SMURF2: variants seen among roughly 807,000 people sequenced by gnomAD.
SMURF2 encodes the protein SMAD specific E3 ubiquitin protein ligase 2.
Under a neutral mutation model 109.6 loss-of-function variants are expected in SMURF2, and 48 were observed. The ratio of observed to expected loss-of-function variants is 0.44; its 90% CI spans 0.35 to 0.56. The LOEUF is 0.56. Among genes scored for constraint, SMURF2 ranks in the 20% least tolerant of loss-of-function variants. The probability of loss-of-function intolerance (pLI) is 0.01; values close to 1 mark genes in which losing one functional copy is unlikely to be tolerated. For synonymous variants in SMURF2, 288 were observed against 317.1 expected (o/e 0.91, Z 0.97); for missense variants, 575 against 909.0 (o/e 0.63, Z 4.72).
intron 15 of SMURF2, among the ~76,000 whole-genome samples, chr17:64,552,766 C>T (rs1969063694): frequency 1.3e-5 from 2 of 151,494 alleles, no homozygotes; most frequent in African/African-American, 2.4e-5. Context: ...TACAGTGGTG[C>T]GATCTCAGCT....
chr17:64,605,102 G>C (rs1969951106), intron 2 of SMURF2, among the ~76,000 whole-genome samples: 1 of 152,044 alleles, frequency 6.6e-6, no homozygotes, highest in African/African-American at 2.4e-5. Flanking sequence ...TAGCAACAGG[G>C]ATGAGGTAGG....
rs143916947 is a variant in SMURF2 at position 64,634,048 on chromosome 17, G to A, written c.53-27408C>T. ...GCGCGCCTGTAATCCCAGCTACTTG[G>A]GAGGCTGAGGCACAAAAATAGCTTG... On this transcript the variant is annotated intron_variant, in intron 1 of 18. Coordinates refer to ENST00000262435, the MANE Select transcript of SMURF2 (RefSeq NM_022739.4). 6.2e-3 allele frequency among the ~76,000 whole-genome samples: 943 copies of A among 152,268 alleles called. 7 individuals carry two copies. The highest frequency in any genetic ancestry group is 0.01 in the Middle Eastern group (3 of 294).
intron 1 of SMURF2, among the ~76,000 whole-genome samples, chr17:64,660,279 T>C (rs535807382): frequency 6.6e-6 from 1 of 152,278 alleles, no homozygotes; most frequent in East Asian, 1.9e-4. Context: ...GGATCACATG[T>C]TCTTTCCACG....
intron 1 of SMURF2, among the ~76,000 whole-genome samples, chr17:64,660,422 C>G (rs1970760205): frequency 6.6e-6 from 1 of 152,176 alleles, no homozygotes; most frequent in Admixed American, 6.5e-5. Flanking sequence ...CAAGTATCCT[C>G]CAATCCAGGT....
intron 1 of SMURF2, among the ~76,000 whole-genome samples, chr17:64,629,852 A>G (rs1331889977): frequency 6.6e-6 from 1 of 152,050 alleles, no homozygotes; most frequent in Admixed American, 6.6e-5. Context: ...GTCTAACAAT[A>G]CCTCCTATGA....
At chr17:64,639,838 A>T (rs1463638339) in intron 1 of SMURF2, among the ~76,000 whole-genome samples, 1 of 152,200 alleles carries the variant, frequency 6.6e-6, no homozygotes, top group Non-Finnish European at 1.5e-5. Flanking sequence ...GGTAAATGAA[A>T]CACACACACA....
chr17:64,577,757 T>C (rs1300809890), intron 9 of SMURF2, among the ~76,000 whole-genome samples: 2 of 151,534 alleles, frequency 1.3e-5, no homozygotes, highest in Admixed American at 6.6e-5. Flanking sequence ...CTCTACCACA[T>C]ACAGCTGATT....
chr17:64,582,699 A>G (rs929391648), intron 7 of SMURF2, among the ~76,000 whole-genome samples: 13 of 152,098 alleles, frequency 8.5e-5, no homozygotes, highest in Non-Finnish European at 1.6e-4. Flanking sequence ...CCTGGGTTCA[A>G]GCCATTCTCC....
intron 1 of SMURF2, among the ~76,000 whole-genome samples, chr17:64,622,933 G>C (rs1970224100): frequency 2.6e-5 from 4 of 152,272 alleles, no homozygotes; most frequent in African/African-American, 7.2e-5. Context: ...ATTTATATCA[G>C]TATGGACTCA....
chr17:64,603,372 A>G (rs1969923590), intron 2 of SMURF2, among the ~76,000 whole-genome samples: 1 of 152,132 alleles, frequency 6.6e-6, no homozygotes, highest in Non-Finnish European at 1.5e-5. Flanking sequence ...ACATGAGGTC[A>G]GGAGTTCGAG....
At chr17:64,604,871 G>C (rs1969947794) in intron 2 of SMURF2, among the ~76,000 whole-genome samples, 1 of 150,640 alleles carries the variant, frequency 6.6e-6, no homozygotes, top group Non-Finnish European at 1.5e-5. Context: ...TTGAACCCGA[G>C]AGGTGGAGTT....
rs374025782 is a variant in SMURF2 at position 64,571,908 on chromosome 17, T to C, written c.906A>G (p.Gly302=). ...NCEELGPLPP[G]WEIRNTATGR... Reference sequence around the variant, plus strand: ...CTGTTGCCGTATTACGGATCTCCCATCCAGGAGGCAATGGACCAAGCTCTT... The same window carrying C: ...CTGTTGCCGTATTACGGATCTCCCACCCAGGAGGCAATGGACCAAGCTCTT... Residue 302 remains glycine (G), a synonymous_variant, in exon 10 of 19, where the codon GGA becomes GGG. Coordinates refer to ENST00000262435, the MANE Select transcript of SMURF2 (RefSeq NM_022739.4). 1.2e-5 allele frequency: 20 copies of C among 1,613,760 alleles called. No individual in the cohort carries two copies. The highest frequency in any genetic ancestry group is 3.3e-5 in the Admixed American group (2 of 59,970).
intron 6 of SMURF2, among the ~76,000 whole-genome samples, chr17:64,584,190 C>T (rs1969615149): frequency 6.6e-6 from 1 of 150,936 alleles, no homozygotes; most frequent in African/African-American, 2.4e-5. Flanking sequence ...TGGTAGCATG[C>T]GCCTGTAATC....
chr17:64,597,715 G>A (rs1481582940), intron 3 of SMURF2, among the ~76,000 whole-genome samples: 2 of 151,290 alleles, frequency 1.3e-5, no homozygotes, highest in Non-Finnish European at 2.9e-5. Flanking sequence ...AGAGATTGCA[G>A]TGAGCCGAGA....
intron 2 of SMURF2, among the ~76,000 whole-genome samples, chr17:64,605,834 C>G (rs1270552760): frequency 6.2e-5 from 9 of 145,018 alleles, no homozygotes; most frequent in Non-Finnish European, 9.0e-5. Flanking sequence ...AATCAAACAG[C>G]ACACATAGCC....
At chr17:64,628,222 A>G (rs1331259211) in intron 1 of SMURF2, among the ~76,000 whole-genome samples, 1 of 152,148 alleles carries the variant, frequency 6.6e-6, no homozygotes, top group African/African-American at 2.4e-5. Flanking sequence ...TGAGTGATAC[A>G]AAAAGAGTGG....
chr17:64,597,024 A>G (rs1969827549), intron 3 of SMURF2, among the ~76,000 whole-genome samples: 1 of 152,238 alleles, frequency 6.6e-6, no homozygotes, highest in South Asian at 2.1e-4. Flanking sequence ...TGGTTTAACC[A>G]AAAAGGTTCA....
Position 64,547,746 on chromosome 17 carries a change from C to T in SMURF2, c.1925G>A (p.Arg642Gln), listed in dbSNP as rs782062513. 8 of 1,614,066 alleles carry T rather than the reference C, an allele frequency of 5.0e-6. No individual in the cohort carries two copies. Among genetic ancestry groups the T allele is most frequent in the South Asian group, 1.1e-5 (1 of 91,092 alleles). ...IDVNDWKVNT[R>Q]LKHCTPDSNI... ...GCTGTCTGGTGTACAGTGTTTTAACCGGGTGTTTACCTTCCAGTCATTAAC... is the reference window on the plus strand; with the variant it reads ...GCTGTCTGGTGTACAGTGTTTTAACTGGGTGTTTACCTTCCAGTCATTAAC... The change falls in exon 17 of 19, where the codon CGG (arginine) becomes CAG (glutamine). Residue 642 changes from arginine to glutamine, a missense_variant. Physicochemically the swap from Arg to Gln is conservative, Grantham distance 43. This residue lies in a region of SMURF2 where 361 missense variants were observed against 612.1 expected (regional missense o/e 0.59). Coordinates refer to ENST00000262435, the MANE Select transcript of SMURF2 (RefSeq NM_022739.4). The surrounding 1 kb of genome is among the most constrained non-coding windows in gnomAD (Gnocchi z 4.2).
intron 3 of SMURF2, among the ~76,000 whole-genome samples, chr17:64,597,506 C>T (rs1474834219): frequency 2.0e-5 from 3 of 152,132 alleles, no homozygotes; most frequent in African/African-American, 7.2e-5. Context: ...GGCGCAGTGG[C>T]TCATGTCTGT....
Sources: gnomAD v4.1 joint callset for allele counts (sites outside exome capture counted in the v4.1 genomes callset) on GRCh38, gnomAD v4.1.1 for gene constraint, gnomAD v4.1.1 regional missense constraint, Gnocchi (gnomAD v3.1) non-coding constraint, MANE v1.5 for transcripts, NCBI Gene and HGNC (gene_info 2026-07-23, HGNC 2026-07-21) for gene names.